Variants in CIT observed in about 807,000 individuals in gnomAD.
CIT encodes the protein citron rho-interacting serine/threonine kinase.
CIT carries 79 observed loss-of-function variants against 272.7 expected under a neutral mutation model. That is an observed-to-expected ratio of 0.29 (90% CI 0.24 to 0.35). The LOEUF (loss-of-function observed/expected upper bound fraction) is 0.35, where lower values mean the gene tolerates loss of function less well. CIT is among the 10% of genes least tolerant of loss of function. CIT has a pLI of 1.00. For missense variants in CIT, 1,909 were observed against 2,618.3 expected (o/e 0.73, Z 5.91); for synonymous variants, 948 against 995.6 (o/e 0.95, Z 0.90).
chr12:119,773,014 T>TAAAAAAAAAAAA (rs11437987), intron 16 of CIT, 104 bp from the exon 17 acceptor site: 1 of 557,792 alleles, frequency 1.8e-6, no homozygotes, highest in Non-Finnish European at 2.5e-6. Context: ...AAGTATAATC[T>TAAAAAAAAAAAA]AAAAAAAAAA....
In CIT at chr12:119,822,933, T is replaced by C; in HGVS notation, c.998A>G (p.Asp333Gly). The C allele has an allele frequency of 6.2e-7, 1 of 1,613,772 alleles. No homozygotes were observed. Among genetic ancestry groups the C allele is most frequent in the Non-Finnish European group, 8.5e-7 (1 of 1,179,946 alleles). The part of the protein sequence containing the change: ...KFPDDPKVSS[D>G]FLDLIQSLLC... ...CAAGCTTTGAATCAGATCAAGAAAGTCACTGCTCACTTTGGGGTCATCTGG... is the reference window on the plus strand; with the variant it reads ...CAAGCTTTGAATCAGATCAAGAAAGCCACTGCTCACTTTGGGGTCATCTGG... Residue 333 changes from aspartate (D) to glycine (G), a missense_variant, in exon 9 of 48, where the codon GAC (aspartate) becomes GGC (glycine). By Grantham distance (94) the Asp-to-Gly change is moderately conservative (BLOSUM62 -1). This residue lies in a region of CIT where 529 missense variants were observed against 549.6 expected (regional missense o/e 0.96). Coordinates refer to ENST00000392521, the MANE Select transcript of CIT (RefSeq NM_001206999.2).
chr12:119,824,104 T>C (rs1967959630), intron 8 of CIT, among the ~76,000 whole-genome samples: 1 of 92,974 alleles, frequency 1.1e-5, no homozygotes, highest in South Asian at 3.2e-4. Context: ...AAAATAGTTT[T>C]ACTGTATATA....
At chr12:119,836,347 G>A (rs1160229558) in intron 5 of CIT, among the ~76,000 whole-genome samples, 1 of 141,852 alleles carries the variant, frequency 7.0e-6, no homozygotes, top group African/African-American at 2.7e-5. Flanking sequence ...GAAGGGGGCA[G>A]CACCTAACAT....
intron 3 of CIT, among the ~76,000 whole-genome samples, chr12:119,860,855 T>C (rs1437538504): frequency 1.3e-5 from 2 of 149,306 alleles, no homozygotes; most frequent in African/African-American, 2.5e-5. Context: ...GCGCAATGGC[T>C]CAGGCCTGTA....
rs372881627 is a variant in CIT at position 119,701,600 on chromosome 12, G to T, written c.5542+24C>A. ...CTAGTGTCCATGAGGACCCAAAAGG[G>T]CAGTGGGCGCAGCCACGACTCACCG... On this transcript the variant is annotated intron_variant, in intron 43 of 47. Coordinates refer to ENST00000392521, the MANE Select transcript of CIT (RefSeq NM_001206999.2). The T allele has an allele frequency of 6.2e-6, 10 of 1,609,952 alleles. No homozygotes were observed. In the African/African-American group the frequency reaches 1.2e-4, roughly 19 times the overall value.
At chr12:119,735,533 T>C (rs1410936343) in intron 24 of CIT, among the ~76,000 whole-genome samples, 176 bp from the exon 25 acceptor site, 2 of 152,108 alleles carry the variant, frequency 1.3e-5, no homozygotes, top group African/African-American at 4.8e-5. Flanking sequence ...GCCACTTAAC[T>C]CTAAACACGA....
intron 39 of CIT, among the ~76,000 whole-genome samples, chr12:119,709,956 CA>C (rs1162114144): frequency 2.0e-5 from 3 of 152,072 alleles, no homozygotes; most frequent in African/African-American, 7.2e-5. Context: ...GGTTTCGTTG[CA>C]ATCAGGACAA....
chr12:119,690,533 C>G lies in CIT; in HGVS notation c.5883-79G>C. On this transcript the variant is annotated intron_variant, in intron 46 of 47. Coordinates refer to ENST00000392521, the MANE Select transcript of CIT (RefSeq NM_001206999.2). The surrounding 1 kb of genome is among the most constrained non-coding windows in gnomAD (Gnocchi z 6.0). ...ATTTTCCTTCTTACCTGAGCAACCC[C>G]CTCCTTGACCCAGCCTCACCACTGA... is the stretch of plus-strand genomic sequence containing the variant. 1.5e-6 allele frequency: 2 copies of G among 1,316,548 alleles called. No individual in the cohort carries two copies. The highest frequency in any genetic ancestry group is 1.5e-5 in the South Asian group (1 of 68,308). 81.6% of individuals were successfully genotyped at this position (1,316,548 alleles called of 1,614,324 possible).
chr12:119,742,252 T>A (rs1959092114), intron 24 of CIT, among the ~76,000 whole-genome samples, 159 bp downstream of exon 24: 1 of 152,208 alleles, frequency 6.6e-6, no homozygotes, highest in Admixed American at 6.5e-5. Flanking sequence ...ACAGGTTATC[T>A]AGGGCTCAAA....
chr12:119,876,547 G>A (rs1950852638), intron 1 of CIT, among the ~76,000 whole-genome samples: 2 of 152,346 alleles, frequency 1.3e-5, no homozygotes, highest in East Asian at 1.9e-4. Context: ...TATATAGCTT[G>A]TTGTAAGGTG....
At chr12:119,698,913 C>G (rs960384200) in intron 44 of CIT, among the ~76,000 whole-genome samples, 1 of 152,062 alleles carries the variant, frequency 6.6e-6, no homozygotes, top group Non-Finnish European at 1.5e-5. Flanking sequence ...TCATTGTATA[C>G]CTTTTAAAAC....
intron 23 of CIT, 187 bp from the exon 24 acceptor site, chr12:119,742,651 G>A: frequency 1.9e-6 from 1 of 518,956 alleles, no homozygotes; most frequent in South Asian, 2.9e-5. Context: ...AATACACAAT[G>A]CTGTGTTAAT....
At chr12:119,838,420 T>C (rs1467977009) in intron 5 of CIT, among the ~76,000 whole-genome samples, 1 of 152,046 alleles carries the variant, frequency 6.6e-6, no homozygotes, top group African/African-American at 2.4e-5. Context: ...ATAAAGCATA[T>C]CTCTTTCCCA....
Position 119,784,202 on chromosome 12 carries a change from C to T in CIT, c.1402-151G>A. On this transcript the variant is annotated intron_variant, in intron 11 of 47. Coordinates refer to ENST00000392521, the MANE Select transcript of CIT (RefSeq NM_001206999.2). This position sits in a 1 kb window ranked among gnomAD's most constrained non-coding sequence, Gnocchi z 4.7. ...GGATGGAAATACCATTGTTTCTTCG[C>T]CCAGGAGCGCACAGTTCTTCGTTAA... 6.2e-7 allele frequency: 1 copy of T among 1,605,410 alleles called. No individual in the cohort carries two copies. Among genetic ancestry groups the T allele is most frequent in the South Asian group, 1.1e-5 (1 of 90,168 alleles).
intron 22 of CIT, among the ~76,000 whole-genome samples, chr12:119,753,376 T>A (rs1439431061): frequency 6.6e-6 from 1 of 152,070 alleles, no homozygotes; most frequent in Non-Finnish European, 1.5e-5. Context: ...AGATGTAACC[T>A]GCAAAACCAA....
intron 28 of CIT, among the ~76,000 whole-genome samples, chr12:119,725,103 G>C (rs889799389): frequency 6.6e-6 from 1 of 152,076 alleles, no homozygotes; most frequent in Non-Finnish European, 1.5e-5. Context: ...TTTCAATTCT[G>C]AGACTTTGAT....
intron 7 of CIT, among the ~76,000 whole-genome samples, chr12:119,831,974 C>T (rs912352145): frequency 2.0e-5 from 3 of 152,204 alleles, no homozygotes; most frequent in Admixed American, 6.5e-5. Flanking sequence ...TCTCTAACCT[C>T]TTAAATTATG....
At chr12:119,862,718 G>A (rs1397200141) in intron 3 of CIT, among the ~76,000 whole-genome samples, 2 of 143,524 alleles carry the variant, frequency 1.4e-5, no homozygotes, top group Admixed American at 7.2e-5. Context: ...GCTGAGGCAG[G>A]AGAATTGCTT....
chr12:119,846,987 CTT>C (rs35994050), intron 5 of CIT, among the ~76,000 whole-genome samples: 20 of 147,596 alleles, frequency 1.4e-4, no homozygotes, highest in Non-Finnish European at 1.2e-4. Flanking sequence ...AAGGGAACGT[CTT>C]TTTTTTTTTT....
Sources: allele counts gnomAD v4.1 joint callset (sites outside exome capture counted in the v4.1 genomes callset), GRCh38; gene constraint gnomAD v4.1.1; regional missense constraint gnomAD v4.1.1; non-coding constraint Gnocchi (gnomAD v3.1); transcripts MANE v1.5; gene names NCBI Gene and HGNC (gene_info 2026-07-23, HGNC 2026-07-21).